Variants in RBM26 observed in about 807,000 individuals in gnomAD.
RBM26 encodes RNA binding motif protein 26.
In RBM26, 30 loss-of-function variants were observed where a neutral mutation model predicts 123.6. That is an observed-to-expected ratio of 0.24 (90% CI 0.18 to 0.33). The LOEUF (loss-of-function observed/expected upper bound fraction) is 0.33. Ranked by LOEUF, RBM26 falls within the 10% of genes least tolerant of loss-of-function variation. RBM26 has a pLI of 1.00. For synonymous variants in RBM26, 400 were observed against 404.4 expected, an observed-to-expected ratio of 0.99 and a Z score of 0.13; for missense variants, 947 against 1,203.6, an observed-to-expected ratio of 0.79 and a Z score of 3.15.
chr13:79,405,235 G>A (rs937696768), intron 1 of RBM26, among the ~76,000 whole-genome samples: 2 of 152,340 alleles, frequency 1.3e-5, no homozygotes, highest in African/African-American at 4.8e-5. Flanking sequence ...AGTGAAGAGA[G>A]GTGCAGATGA....
At chr13:79,386,027 C>A (rs1209682049) in intron 1 of RBM26, among the ~76,000 whole-genome samples, 2 of 151,818 alleles carry the variant, frequency 1.3e-5, no homozygotes, top group Non-Finnish European at 2.9e-5. Flanking sequence ...ATCCCCACTG[C>A]AGGTCAGGGA....
chr13:79,356,907 G>T (rs1448874532), intron 11 of RBM26, among the ~76,000 whole-genome samples: 1 of 152,110 alleles, frequency 6.6e-6, no homozygotes, highest in African/African-American at 2.4e-5. Context: ...TTAATTGTGT[G>T]AAGAATATTT....
In RBM26 at chr13:79,338,156, G is replaced by A. The variant is rs901488022; in HGVS notation, c.2533-854C>T. ...GAACCTGGGAGGCAGAGGTTGCAGC[G>A]AGCCGAGATCGCGCCACTACACTCC... On this transcript the variant is annotated intron_variant, in intron 18 of 21. Transcript: ENST00000438737. 3.3e-5 allele frequency among the ~76,000 whole-genome samples: 5 copies of A among 152,138 alleles called. No homozygotes were observed. The East Asian group carries it at 5.8e-4, about 18-fold the overall frequency.
At chr13:79,383,564 G>A (rs1345691636) in intron 1 of RBM26, among the ~76,000 whole-genome samples, 1 of 151,796 alleles carries the variant, frequency 6.6e-6, no homozygotes, top group South Asian at 2.1e-4. Context: ...TCCAAATATC[G>A]CATTCATTAT....
chr13:79,324,075 T>C (rs571967688), intron 20 of RBM26, among the ~76,000 whole-genome samples: 1 of 151,920 alleles, frequency 6.6e-6, no homozygotes, highest in South Asian at 2.1e-4. Context: ...ATTTCACTTT[T>C]TACAAAGATT....
chr13:79,332,716 T>A (rs1454992253), intron 20 of RBM26, among the ~76,000 whole-genome samples: 2 of 152,176 alleles, frequency 1.3e-5, no homozygotes, highest in African/African-American at 4.8e-5. Flanking sequence ...AGTGCTAAAG[T>A]CTTCCTTATA....
chr13:79,373,669 ATAT>A (rs2076360202), intron 3 of RBM26, among the ~76,000 whole-genome samples: 2 of 82,938 alleles, frequency 2.4e-5, no homozygotes, highest in African/African-American at 9.2e-5. Context: ...TTTATATATT[ATAT>A]ATTACTATAT....
intron 14 of RBM26, among the ~76,000 whole-genome samples, chr13:79,347,115 G>A (rs1382854774): frequency 6.6e-6 from 1 of 152,174 alleles, no homozygotes; most frequent in Admixed American, 6.5e-5. Context: ...ACTAAGGAGT[G>A]CTGGTTCAAA....
At chr13:79,347,393 A>C (rs2072515325) in intron 14 of RBM26, among the ~76,000 whole-genome samples, 1 of 152,206 alleles carries the variant, frequency 6.6e-6, no homozygotes, top group East Asian at 1.9e-4. Flanking sequence ...CTTATAAACA[A>C]TGAACTATAT....
intron 14 of RBM26, among the ~76,000 whole-genome samples, chr13:79,346,156 C>T (rs897631475): frequency 1.3e-5 from 2 of 152,154 alleles, no homozygotes; most frequent in South Asian, 4.2e-4. Flanking sequence ...GAAACATTAA[C>T]ATCTGGTTAA....
chr13:79,374,548 C>T (rs4146473), intron 3 of RBM26, among the ~76,000 whole-genome samples: 76,754 of 151,962 alleles, frequency 0.51, 19,790 homozygotes, highest in Middle Eastern at 0.6. Flanking sequence ...ATCCTATTAA[C>T]AGACCAAACT....
intron 6 of RBM26, among the ~76,000 whole-genome samples, chr13:79,367,430 A>AAAAAAAAAAAAAAG (rs1555326395): frequency 2.1e-5 from 1 of 47,140 alleles, no homozygotes; most frequent in Non-Finnish European, 5.3e-5. Flanking sequence ...AAAAAAAAAA[A>AAAAAAAAAAAAAAG]AAGAAGAAGA....
chr13:79,382,366 T>A (rs1195694072), intron 1 of RBM26, among the ~76,000 whole-genome samples: 2 of 152,154 alleles, frequency 1.3e-5, no homozygotes, highest in Non-Finnish European at 2.9e-5. Flanking sequence ...TTACCCCTGC[T>A]ATATACTGCT....
At chr13:79,366,507 T>C (rs1269404506) in intron 7 of RBM26, 126 bp downstream of exon 7, 19 of 968,304 alleles carry the variant, frequency 2.0e-5, no homozygotes, top group Non-Finnish European at 2.9e-5. Context: ...GGAAGTATAC[T>C]GCTATTAATT....
chr13:79,340,507 C>T (rs2139067242), intron 18 of RBM26, among the ~76,000 whole-genome samples: 1 of 152,114 alleles, frequency 6.6e-6, no homozygotes, highest in East Asian at 1.9e-4. Context: ...ATATTAATGA[C>T]GTTAATGTCT....
chr13:79,365,630 T>C lies in RBM26; in HGVS notation c.1365A>G (p.Gln455=), dbSNP rs192899608. 99 of 1,613,954 alleles carry C rather than the reference T, an allele frequency of 6.1e-5. 1 individual carries two copies. In the East Asian group the frequency reaches 2.1e-3, roughly 35 times the overall value. Residue 455 remains glutamine, a synonymous_variant, in exon 9 of 22, where the codon CAA becomes CAG. Coordinates refer to ENST00000438737, the MANE Select transcript of RBM26 (RefSeq NM_001366735.2). ...ATGTTAGTCCTATCAAGTTGGGCCT[T>C]TGTGCATGCACTCTGTGTCTATACA... The part of the protein sequence containing the change: ...RPMYRHRVHA[Q]RPNLIGLTSG...
Position 79,355,075 on chromosome 13 carries a change from T to G in RBM26, c.1854+145A>C. ...ACAGGTTAGAAAGGTTGAGTAAATTTTTCAAGTCTTTACAGGTAACAGAAG... is the reference window on the plus strand; with the variant it reads ...ACAGGTTAGAAAGGTTGAGTAAATTGTTCAAGTCTTTACAGGTAACAGAAG... On this transcript the variant is annotated intron_variant, in intron 12 of 21. Coordinates refer to ENST00000438737, the MANE Select transcript of RBM26 (RefSeq NM_001366735.2). 4.3e-6 allele frequency: 3 copies of G among 690,622 alleles called. No homozygotes were observed. The South Asian group carries it at 6.0e-5, about 14-fold the overall frequency. The allele number at this position is 690,622 out of a possible 1,614,324, so 42.8% of individuals were successfully genotyped here.
Position 79,370,946 on chromosome 13 carries a change from C to CCTGCTTCGTGTTCTGCTT in RBM26, c.615_632dup (p.Ser206_Arg211dup), listed in dbSNP as rs749731890. On this transcript the variant is annotated inframe_insertion and splice_region_variant, in exon 5 of 22. Transcript: ENST00000438737. ...AGATAACCAAAATATATTATTTACCCCTGCTTCGTGTTCTGCTTCTGCTTC... is the reference window on the plus strand; with the variant it reads ...AGATAACCAAAATATATTATTTACCCCTGCTTCGTGTTCTGCTTCTGCTTCGTGTTCTGCTTCTGCTTC... The CCTGCTTCGTGTTCTGCTT allele has an allele frequency of 2.8e-5, 45 of 1,597,120 alleles. No individual in the cohort carries two copies. Among genetic ancestry groups the CCTGCTTCGTGTTCTGCTT allele is most frequent in the Non-Finnish European group, 3.8e-5 (44 of 1,164,902 alleles).
At chr13:79,395,481 T>G (rs2078476012) in intron 1 of RBM26, among the ~76,000 whole-genome samples, 1 of 152,180 alleles carries the variant, frequency 6.6e-6, no homozygotes, top group South Asian at 2.1e-4. Context: ...GGTTCATATC[T>G]ATAATCCCAG....
Sources: allele counts gnomAD v4.1 joint callset (sites outside exome capture counted in the v4.1 genomes callset), GRCh38; gene constraint gnomAD v4.1.1; transcripts MANE v1.5; gene names NCBI Gene and HGNC (gene_info 2026-07-23, HGNC 2026-07-21).